The following GLIS3 variants were observed in gnomAD, a reference collection of about 807,000 sequenced individuals.
The protein encoded by GLIS3 is GLIS family zinc finger 3.
Under a neutral mutation model 78.6 loss-of-function variants are expected in GLIS3, and 53 were observed. The ratio of observed to expected loss-of-function variants is 0.67; its 90% CI spans 0.54 to 0.85. GLIS3 has a LOEUF of 0.85. Among genes scored for constraint, GLIS3 ranks in the 40% least tolerant of loss-of-function variants. The pLI is 0.00. For missense variants in GLIS3, 1,703 were observed against 1,231.1 expected (o/e 1.38, Z -5.74); for synonymous variants, 684 against 509.9 (o/e 1.34, Z -4.60).
Position 3,829,317 on chromosome 9 carries a change from G to A in GLIS3, c.2649C>T (p.Gly883=). 6.2e-7 allele frequency: 1 copy of A among 1,613,842 alleles called. No individual in the cohort carries two copies. The highest frequency in any genetic ancestry group is 8.5e-7 in the Non-Finnish European group (1 of 1,179,802). ...CACAGACAACCAACACACCTGTAAT[G>A]CCCGAGTGAGTCGAGAAGGCTCTGT... is the stretch of plus-strand genomic sequence containing the variant. ...VFHRAFSTHS[G]ITVYDLPSSS... is the part of the protein sequence containing the mutation. Residue 883 remains glycine (G), a synonymous_variant, in exon 10 of 11, where the codon GGC becomes GGT. Coordinates refer to ENST00000381971, the MANE Select transcript of GLIS3 (RefSeq NM_001042413.2).
Position 4,015,127 on chromosome 9 carries a change from G to T in GLIS3, c.1711-77938C>A, listed in dbSNP as rs114146847. ...TGGATTTGACCTAACCTGAGGATTA[G>T]ATAAAGTGTCCATGAGAAAGTGACA... On this transcript the variant is annotated intron_variant, in intron 4 of 10. Coordinates refer to ENST00000381971, the MANE Select transcript of GLIS3 (RefSeq NM_001042413.2). Among the ~76,000 whole-genome samples, 722 of 152,292 alleles carry T rather than the reference G, an allele frequency of 4.7e-3. 5 individuals are homozygous for T. The highest frequency in any genetic ancestry group is 0.017 in the African/African-American group (690 of 41,564).
At chr9:4,214,696 C>A (rs750288058) in intron 2 of GLIS3, among the ~76,000 whole-genome samples, 19 of 152,172 alleles carry the variant, frequency 1.2e-4, no homozygotes, top group Non-Finnish European at 2.4e-4. Context: ...TGTATTCTTT[C>A]CTAAGACCAA....
At chr9:4,415,125 C>A in the GLIS3 span, among the ~76,000 whole-genome samples, 1 of 152,162 alleles carries the variant, frequency 6.6e-6, no homozygotes. Flanking sequence ...ACCTCCTCAT[C>A]TATCCAGGAG....
chr9:4,013,921 G>T (rs115243100), intron 4 of GLIS3, among the ~76,000 whole-genome samples: 1 of 152,188 alleles, frequency 6.6e-6, no homozygotes. Context: ...AGTTGGGCAG[G>T]TTGTATTTCA....
At chr9:4,010,550 C>G (rs1209620639) in intron 4 of GLIS3, among the ~76,000 whole-genome samples, 1 of 152,090 alleles carries the variant, frequency 6.6e-6, no homozygotes, top group Non-Finnish European at 1.5e-5. Context: ...CACAATTCCT[C>G]TCTGGTAATA....
chr9:4,345,025 C>G (rs1817880389), intron 2 of GLIS3, among the ~76,000 whole-genome samples: 1 of 152,214 alleles, frequency 6.6e-6, no homozygotes, highest in Non-Finnish European at 1.5e-5. Context: ...TTATGTCCCT[C>G]TTCAGTCTAT....
At chr9:4,454,293 C>T in the GLIS3 span, among the ~76,000 whole-genome samples, 3 of 152,140 alleles carry the variant, frequency 2.0e-5, no homozygotes, top group African/African-American at 7.2e-5. Context: ...GCATGAGCCA[C>T]CACAACTGGC....
intron 2 of GLIS3, among the ~76,000 whole-genome samples, chr9:4,190,660 C>G (rs1040516452): frequency 6.6e-6 from 1 of 151,992 alleles, no homozygotes; most frequent in African/African-American, 2.4e-5. Context: ...GGCCAACATT[C>G]AGATTCAGGA....
the GLIS3 span, among the ~76,000 whole-genome samples, chr9:4,356,378 C>G: frequency 6.6e-6 from 1 of 152,150 alleles, no homozygotes; most frequent in African/African-American, 2.4e-5. Context: ...CCACAGGGAT[C>G]CGACAAAGCA....
chr9:3,951,882 A>ACACACACACG (rs756794557), intron 4 of GLIS3, among the ~76,000 whole-genome samples: 270 of 147,482 alleles, frequency 1.8e-3, no homozygotes, highest in Middle Eastern at 0.01. Context: ...ACACACACAC[A>ACACACACACG]CACGCACGCA....
chr9:4,181,829 G>T (rs879365090), intron 2 of GLIS3, among the ~76,000 whole-genome samples: 1 of 152,192 alleles, frequency 6.6e-6, no homozygotes, highest in African/African-American at 2.4e-5. Flanking sequence ...GGGTCACACA[G>T]AGACAGACCC....
rs531426496 is a variant in GLIS3 at position 4,163,198 on chromosome 9, T to G, written c.389-37257A>C. 2.0e-5 allele frequency among the ~76,000 whole-genome samples: 3 copies of G among 152,376 alleles called. No individual in the cohort carries two copies. The East Asian group carries it at 5.8e-4, about 29-fold the overall frequency. On this transcript the variant is annotated intron_variant, in intron 2 of 10. Coordinates refer to ENST00000381971, the MANE Select transcript of GLIS3 (RefSeq NM_001042413.2). ...ACACAGATCTGCCTGGGTCCATAGC[T>G]GCTGCCTCATTTTTTATGTCTCAGC...
upstream of GLIS3, among the ~76,000 whole-genome samples, chr9:4,350,881 C>A (rs926622460): frequency 2.6e-5 from 4 of 152,130 alleles, no homozygotes; most frequent in Non-Finnish European, 5.9e-5. Flanking sequence ...ACCACTAGTA[C>A]CAGAACCAGC....
chr9:4,148,816 G>T (rs1019822837), intron 2 of GLIS3, among the ~76,000 whole-genome samples: 4 of 152,078 alleles, frequency 2.6e-5, no homozygotes, highest in Non-Finnish European at 5.9e-5. Context: ...TTGCTGAGAA[G>T]CCTGGAGTGG....
intron 6 of GLIS3, among the ~76,000 whole-genome samples, chr9:3,908,069 G>A (rs1045633092): frequency 6.6e-6 from 1 of 152,192 alleles, no homozygotes. Flanking sequence ...AAGCCTAAGT[G>A]TGGAGACTAA....
chr9:4,365,567 AAAAAG>A, the GLIS3 span, among the ~76,000 whole-genome samples: 17 of 152,262 alleles, frequency 1.1e-4, no homozygotes, highest in East Asian at 5.8e-4. Flanking sequence ...AAAAAAAAGA[AAAAAG>A]AAAAGAAAAG....
chr9:4,487,848 C>T, the GLIS3 span, among the ~76,000 whole-genome samples: 1 of 151,982 alleles, frequency 6.6e-6, no homozygotes, highest in African/African-American at 2.4e-5. Flanking sequence ...CCATCATGGC[C>T]AGATTATTAT....
chr9:4,228,451 G>A (rs924165810), intron 2 of GLIS3, among the ~76,000 whole-genome samples: 1 of 152,032 alleles, frequency 6.6e-6, no homozygotes, highest in Non-Finnish European at 1.5e-5. Context: ...TTTCTACCAC[G>A]ATAAATCTCA....
At chr9:4,282,403 T>C (rs1827640780) in intron 2 of GLIS3, among the ~76,000 whole-genome samples, 1 of 152,204 alleles carries the variant, frequency 6.6e-6, no homozygotes, top group Non-Finnish European at 1.5e-5. Flanking sequence ...CTAATGTGGG[T>C]GGTTCTCAGC....
Sources: allele counts gnomAD v4.1 joint callset (sites outside exome capture counted in the v4.1 genomes callset), GRCh38; gene constraint gnomAD v4.1.1; transcripts MANE v1.5; gene names NCBI Gene and HGNC (gene_info 2026-07-23, HGNC 2026-07-21).